PPM1H: variants seen among roughly 807,000 people sequenced by gnomAD.
PPM1H encodes protein phosphatase, Mg2+/Mn2+ dependent 1H, also known as protein phosphatase 1H.
Under a neutral mutation model 54.9 loss-of-function variants are expected in PPM1H, and 27 were observed. That is an observed-to-expected ratio of 0.49 (90% confidence interval 0.36 to 0.68). The LOEUF is 0.68. PPM1H is among the 30% of genes least tolerant of loss of function. The pLI is 0.00. For synonymous variants in PPM1H, 305 were observed against 270.8 expected, an observed-to-expected ratio of 1.13 and a Z score of -1.24; for missense variants, 596 against 667.8, an observed-to-expected ratio of 0.89 and a Z score of 1.19.
chr12:62,894,877 C>T (rs1870927502), intron 1 of PPM1H, among the ~76,000 whole-genome samples: 1 of 152,146 alleles, frequency 6.6e-6, no homozygotes, highest in African/African-American at 2.4e-5. Flanking sequence ...TTAAGCCCTA[C>T]CAAATAATAC....
intron 1 of PPM1H, among the ~76,000 whole-genome samples, chr12:62,923,665 G>A (rs897189067): frequency 1.8e-4 from 28 of 152,244 alleles, no homozygotes; most frequent in Non-Finnish European, 3.4e-4. Context: ...GTCTCCCAAA[G>A]TGCTGGGATT....
intron 4 of PPM1H, among the ~76,000 whole-genome samples, chr12:62,771,403 A>G (rs2076579349): frequency 6.6e-6 from 1 of 152,094 alleles, no homozygotes; most frequent in African/African-American, 2.4e-5. Context: ...GTAAGAATAC[A>G]GTTCTAGGGT....
chr12:62,658,976 A>C, intron 9 of PPM1H: 2 of 717,006 alleles, frequency 2.8e-6, no homozygotes, highest in Middle Eastern at 2.5e-4. Flanking sequence ...CAAAGGCTAG[A>C]TCTTGATGCC....
chr12:62,755,275 G>A lies in PPM1H; in HGVS notation c.870-17689C>T, dbSNP rs1175821019. Reference sequence around the variant, plus strand: ...TGGATTTGGTTGTATTGGGTGCCTAGTCACCAGGGCGGTTTTTAACTCTGG... The same window carrying A: ...TGGATTTGGTTGTATTGGGTGCCTAATCACCAGGGCGGTTTTTAACTCTGG... On this transcript the variant is annotated intron_variant, in intron 4 of 9. Transcript: ENST00000228705. The A allele has an allele frequency of 5.3e-5, 43 of 811,464 alleles. No homozygotes were observed. In the South Asian group the frequency reaches 5.7e-4, roughly 11 times the overall value. 50.3% of individuals were successfully genotyped at this position (811,464 alleles called of 1,614,324 possible).
chr12:62,690,987 A>G (rs868197211), intron 7 of PPM1H, among the ~76,000 whole-genome samples: 5 of 152,168 alleles, frequency 3.3e-5, no homozygotes, highest in South Asian at 2.1e-4. Context: ...ACAAACAAAC[A>G]AATAAAAAAA....
chr12:62,896,860 T>A (rs375310567), intron 1 of PPM1H, among the ~76,000 whole-genome samples: 20 of 152,010 alleles, frequency 1.3e-4, no homozygotes, highest in African/African-American at 3.4e-4. Context: ...CAAATGTCCA[T>A]CAATGATAGA....
chr12:62,800,172 G>A (rs997181770), intron 3 of PPM1H, among the ~76,000 whole-genome samples: 1 of 152,116 alleles, frequency 6.6e-6, no homozygotes, highest in African/African-American at 2.4e-5. Flanking sequence ...ATCAGATGAC[G>A]ATATGTATAG....
intron 6 of PPM1H, among the ~76,000 whole-genome samples, chr12:62,697,700 TAG>T (rs897145806): frequency 6.6e-6 from 1 of 152,174 alleles, no homozygotes; most frequent in Non-Finnish European, 1.5e-5. Flanking sequence ...TTGAGATGAA[TAG>T]AGAGTGTCTA....
intron 4 of PPM1H, chr12:62,755,764 T>C (rs2076470158): frequency 1.6e-5 from 15 of 918,626 alleles, no homozygotes; most frequent in South Asian, 1.5e-5. Context: ...CCACAGTCCA[T>C]GCCATCACTG....
rs776559013 is a variant in PPM1H at position 62,844,505 on chromosome 12, T to G, written c.246-12226A>C. On this transcript the variant is annotated intron_variant, in intron 1 of 9. Coordinates refer to ENST00000228705, the MANE Select transcript of PPM1H (RefSeq NM_020700.2). This position sits in a 1 kb window ranked among gnomAD's most constrained non-coding sequence, Gnocchi z 5.2. ...CCTCAAGGCTCAAGATAACTTAAAG[T>G]TCCAACAGCTTTAAGTTTGGATTAT... 3.9e-5 allele frequency among the ~76,000 whole-genome samples: 6 copies of G among 152,206 alleles called. No individual in the cohort carries two copies. The highest frequency in any genetic ancestry group is 8.8e-5 in the Non-Finnish European group (6 of 68,030).
At chr12:62,741,807 T>G (rs1382884961) in intron 4 of PPM1H, among the ~76,000 whole-genome samples, 6 of 152,182 alleles carry the variant, frequency 3.9e-5, no homozygotes, top group Non-Finnish European at 8.8e-5. Context: ...AACAATTGCT[T>G]GCTGATGGAT....
intron 2 of PPM1H, among the ~76,000 whole-genome samples, chr12:62,807,540 C>T (rs767676287): frequency 1.9e-4 from 29 of 152,188 alleles, no homozygotes; most frequent in Non-Finnish European, 4.3e-4. Context: ...CAATCATCAG[C>T]TGAGTGGTGG....
intron 4 of PPM1H, among the ~76,000 whole-genome samples, chr12:62,743,188 T>C (rs163954): frequency 0.12 from 17,490 of 151,872 alleles, 1,247 homozygotes; most frequent in African/African-American, 0.18. Context: ...CCATCTCTAC[T>C]AAAAAAATAC....
At chr12:62,842,807 G>T (rs1868804822) in intron 1 of PPM1H, among the ~76,000 whole-genome samples, 1 of 152,178 alleles carries the variant, frequency 6.6e-6, no homozygotes. Context: ...TTTTTTCTCT[G>T]CTAGAAATTG....
chr12:62,776,426 T>C (rs1355770940), intron 4 of PPM1H, among the ~76,000 whole-genome samples: 2 of 152,212 alleles, frequency 1.3e-5, no homozygotes, highest in African/African-American at 4.8e-5. Flanking sequence ...GCCTTGCTCA[T>C]TATCTGTCTT....
chr12:62,861,260 G>A (rs1383048279), intron 1 of PPM1H, among the ~76,000 whole-genome samples: 8 of 152,226 alleles, frequency 5.3e-5, no homozygotes, highest in African/African-American at 1.9e-4. Context: ...ATTAGACAGA[G>A]ATTCTGCAAA....
intron 1 of PPM1H, among the ~76,000 whole-genome samples, chr12:62,916,694 A>T (rs1042858313): frequency 6.0e-4 from 92 of 152,164 alleles, no homozygotes; most frequent in African/African-American, 2.2e-3. Context: ...AATCAGAAGA[A>T]CTCTACTATA....
intron 9 of PPM1H, among the ~76,000 whole-genome samples, chr12:62,666,458 T>A (rs1314538608): frequency 6.6e-6 from 1 of 152,228 alleles, no homozygotes; most frequent in Admixed American, 6.5e-5. Flanking sequence ...ATACTTAACT[T>A]GGATCTTTCT....
chr12:62,724,164 T>C (rs1397055163), intron 5 of PPM1H, among the ~76,000 whole-genome samples: 1 of 152,228 alleles, frequency 6.6e-6, no homozygotes, highest in African/African-American at 2.4e-5. Flanking sequence ...TCTGTATGAC[T>C]GTCCCTAAAA....
Sources: gnomAD v4.1 joint callset for allele counts (sites outside exome capture counted in the v4.1 genomes callset) on GRCh38, gnomAD v4.1.1 for gene constraint, Gnocchi (gnomAD v3.1) non-coding constraint, MANE v1.5 for transcripts, NCBI Gene and HGNC (gene_info 2026-07-23, HGNC 2026-07-21) for gene names.